Variants in CPNE7 observed in about 807,000 individuals in gnomAD.
CPNE7 encodes the protein copine-7.
In CPNE7, 78 loss-of-function variants were observed where a neutral mutation model predicts 66.5. The observed-to-expected ratio is 1.17, with a 90% CI of 0.98 to 1.42. The LOEUF (loss-of-function observed/expected upper bound fraction) is 1.42. Ranked by LOEUF, CPNE7 falls within the 40% of genes most tolerant of loss-of-function variation. The probability of loss-of-function intolerance (pLI) is 0.00; values close to 1 mark genes in which losing one functional copy is unlikely to be tolerated. For missense variants in CPNE7, 1,012 were observed against 776.6 expected, an observed-to-expected ratio of 1.30 and a Z score of -3.60; for synonymous variants, 468 against 336.7, an observed-to-expected ratio of 1.39 and a Z score of -4.27.
At position 89,577,741 on chromosome 16, in the gene CPNE7, G is replaced by A. The variant is rs377027196; in HGVS notation, c.357+20G>A. ...GGGCAGGTGGGTGCCCCGTCCCCTC[G>A]GAGGGAGGAGGACGGTTGGCGTGGG... On this transcript the variant is annotated intron_variant, in intron 2 of 14. Coordinates refer to ENST00000319518, the MANE Select transcript of CPNE7 (RefSeq NM_153636.3). 54 of 1,566,540 alleles carry A rather than the reference G, an allele frequency of 3.4e-5. No individual in the cohort carries two copies. Among genetic ancestry groups the A allele is most frequent in the Middle Eastern group, 1.9e-4 (1 of 5,258 alleles).
chr16:89,585,342 G>A (rs1041621650), intron 5 of CPNE7, 122 bp from the exon 6 acceptor site: 1 of 708,618 alleles, frequency 1.4e-6, no homozygotes, highest in Admixed American at 2.3e-5. Flanking sequence ...CGCTGTCTGG[G>A]GTGATGCAGG....
intron 14 of CPNE7, 145 bp downstream of exon 14, chr16:89,595,748 G>T (rs2059245086): frequency 1.3e-6 from 1 of 783,236 alleles, no homozygotes; most frequent in South Asian, 1.4e-5. Context: ...GTTCCCCCCA[G>T]TCAAGAGCAG....
At chr16:89,590,007 G>C (rs1347400510) in intron 11 of CPNE7, 56 bp downstream of exon 11, 1 of 1,594,646 alleles carries the variant, frequency 6.3e-7, no homozygotes, top group African/African-American at 1.3e-5. Flanking sequence ...TGCCCTCCCA[G>C]GCAGAGGACG....
At chr16:89,588,898 C>G in intron 10 of CPNE7, 90 bp downstream of exon 10, 2 of 1,539,606 alleles carry the variant, frequency 1.3e-6, no homozygotes, top group Non-Finnish European at 1.8e-6. Flanking sequence ...CCCCTGGTCT[C>G]CAGGTCAGCT....
At chr16:89,592,745 AT>A in intron 13 of CPNE7, among the ~76,000 whole-genome samples, 2 of 146,810 alleles carry the variant, frequency 1.4e-5, no homozygotes, top group African/African-American at 5.1e-5. Context: ...CCCAGCCCAA[AT>A]TTTTTTTATT....
chr16:89,589,405 C>T (rs1283080185), intron 10 of CPNE7, among the ~76,000 whole-genome samples: 1 of 152,238 alleles, frequency 6.6e-6, no homozygotes, highest in Non-Finnish European at 1.5e-5. Context: ...GAATAGCAAA[C>T]CGAAGTCACA....
chr16:89,591,995 G>A (rs9708822), intron 13 of CPNE7, among the ~76,000 whole-genome samples: 44,995 of 146,094 alleles, frequency 0.31, 8,268 homozygotes, highest in East Asian at 0.83. Context: ...CACCGTGCCC[G>A]GCATTCTTTT....
Position 89,583,697 on chromosome 16 carries a change from A to T in CPNE7, c.358A>T (p.Ile120Phe). Residue 120 changes from isoleucine (I) to phenylalanine (F), a missense_variant and splice_region_variant, in exon 3 of 15, where the codon ATT becomes TTT. Coordinates refer to ENST00000319518, the MANE Select transcript of CPNE7 (RefSeq NM_153636.3). ...CCTGCCTGACGCCTCTGACTTACAG[A>T]TTGTGGCCCAGAAGAAGGTGACCCG... ...LGGMECTLGQ[I>F]VAQKKVTRPL... 6.2e-7 allele frequency: 1 copy of T among 1,612,648 alleles called. No individual in the cohort carries two copies. Among genetic ancestry groups the T allele is most frequent in the Non-Finnish European group, 8.5e-7 (1 of 1,179,886 alleles).
chr16:89,590,966 T>C (rs2059158050), intron 11 of CPNE7, 41 bp from the exon 12 acceptor site: 2 of 1,610,784 alleles, frequency 1.2e-6, no homozygotes, highest in East Asian at 4.5e-5. Flanking sequence ...GTGGGGTGTG[T>C]TGCAACGAGC....
intron 11 of CPNE7, among the ~76,000 whole-genome samples, chr16:89,590,632 G>A (rs2059152555): frequency 6.6e-6 from 1 of 151,314 alleles, no homozygotes; most frequent in Non-Finnish European, 1.5e-5. Context: ...TGGATCCAGG[G>A]AGGTCTGCCT....
chr16:89,592,795 C>A (rs1173947399), intron 13 of CPNE7, among the ~76,000 whole-genome samples: 2 of 147,390 alleles, frequency 1.4e-5, no homozygotes, highest in Non-Finnish European at 3.0e-5. Context: ...ACCATTGTAA[C>A]CATTTTTTTC....
In CPNE7 at chr16:89,588,773, G is replaced by T. The variant is rs1238985986; in HGVS notation, c.1026G>T (p.Leu342=). 6.2e-7 allele frequency: 1 copy of T among 1,613,600 alleles called. No individual in the cohort carries two copies. Among genetic ancestry groups the T allele is most frequent in the Non-Finnish European group, 8.5e-7 (1 of 1,179,978 alleles). The change falls in exon 10 of 15, where the codon CTG becomes CTT. Residue 342 remains leucine (L), a synonymous_variant. Transcript: ENST00000319518. ...PYQPNEYLKA[L]VSVGEICQDY... Reference sequence around the variant, plus strand: ...AGCCGAACGAGTACCTGAAGGCACTGGTGTCCGTGGGCGAGATCTGCCAGG... The same window carrying T: ...AGCCGAACGAGTACCTGAAGGCACTTGTGTCCGTGGGCGAGATCTGCCAGG...
intron 14 of CPNE7, chr16:89,595,941 C>T (rs185154104): frequency 1.7e-4 from 92 of 527,666 alleles, no homozygotes; most frequent in Non-Finnish European, 2.7e-4. Context: ...TTCTACCCGC[C>T]GAGACACACA....
chr16:89,595,241 C>G, intron 13 of CPNE7, 126 bp from the exon 14 acceptor site: 1 of 724,896 alleles, frequency 1.4e-6, no homozygotes. Flanking sequence ...GCATCACACT[C>G]TGAAGGCGGT....
chr16:89,596,697 C>G lies in CPNE7; in HGVS notation c.*76C>G, dbSNP rs2059262498. ...TCTGTCTGCAACATGCTTGGGGTCC[C>G]TTAAGCTCCCTCCGACCTCCCAGAA... On this transcript the variant is annotated 3_prime_UTR_variant, in exon 15 of 15. Coordinates refer to ENST00000319518, the MANE Select transcript of CPNE7 (RefSeq NM_153636.3). 1 of 1,424,954 alleles carries G rather than the reference C, an allele frequency of 7.0e-7. No homozygotes were observed. Among genetic ancestry groups the G allele is most frequent in the Admixed American group, 2.7e-5 (1 of 37,232 alleles). The allele number at this position is 1,424,954 out of a possible 1,614,324, so 88.3% of individuals were successfully genotyped here. A position where few individuals can be genotyped will look rare whatever the true frequency, so the allele number is the denominator to read the frequency against.
In CPNE7 at chr16:89,585,796, C is replaced by A. The variant is rs756475600; in HGVS notation, c.780+11C>A. On this transcript the variant is annotated intron_variant, in intron 7 of 14. Coordinates refer to ENST00000319518, the MANE Select transcript of CPNE7 (RefSeq NM_153636.3). ...TTTGAGGAGGGGCAGGTGAGCAGGACGGGGTAGGGGGTCCTCCAGGGAGGG... is the reference window on the plus strand; with the variant it reads ...TTTGAGGAGGGGCAGGTGAGCAGGAAGGGGTAGGGGGTCCTCCAGGGAGGG... The A allele has an allele frequency of 6.6e-6, 4 of 608,398 alleles. No individual in the cohort carries two copies. The highest frequency in any genetic ancestry group is 8.8e-6 in the Non-Finnish European group (4 of 456,160). The allele number at this position is 608,398 out of a possible 1,614,324, so 37.7% of individuals were successfully genotyped here.
intron 13 of CPNE7, among the ~76,000 whole-genome samples, chr16:89,591,951 G>A (rs1366666958): frequency 2.0e-5 from 3 of 151,260 alleles, no homozygotes; most frequent in Non-Finnish European, 4.4e-5. Flanking sequence ...CACCCGCCTC[G>A]GCCTCCCAAA....
At chr16:89,576,176 G>A (rs1597687142) in intron 1 of CPNE7, 105 bp downstream of exon 1, 3 of 1,025,002 alleles carry the variant, frequency 2.9e-6, no homozygotes, top group Non-Finnish European at 3.7e-6. Context: ...GGGGCGCAAG[G>A]CGGGGCCCCC....
At chr16:89,591,790 C>T (rs75530021) in intron 13 of CPNE7, among the ~76,000 whole-genome samples, 2 of 151,964 alleles carry the variant, frequency 1.3e-5, no homozygotes, top group East Asian at 1.9e-4. Context: ...ACCTCTGCTT[C>T]CCGGGGTTCA....
Sources: allele counts gnomAD v4.1 joint callset (sites outside exome capture counted in the v4.1 genomes callset), GRCh38; gene constraint gnomAD v4.1.1; transcripts MANE v1.5; gene names NCBI Gene and HGNC (gene_info 2026-07-23, HGNC 2026-07-21).